WDR76: variants seen among roughly 807,000 people sequenced by gnomAD.
WDR76 encodes WD repeat domain 76, also known as WD repeat-containing protein 76.
In WDR76, 52 loss-of-function variants were observed where a neutral mutation model predicts 70.2. The ratio of observed to expected loss-of-function variants is 0.74; its 90% CI spans 0.59 to 0.93. The LOEUF (loss-of-function observed/expected upper bound fraction) is 0.93. Ranked by LOEUF, WDR76 falls within the 40% of genes least tolerant of loss-of-function variation. WDR76 has a pLI of 0.00. For synonymous variants in WDR76, 292 were observed against 271.1 expected, an observed-to-expected ratio of 1.08 and a Z score of -0.76; for missense variants, 756 against 760.2, an observed-to-expected ratio of 0.99 and a Z score of 0.07.
At chr15:43,839,495 A>T in intron 4 of WDR76, 110 bp from the exon 5 acceptor site, 1 of 1,134,210 alleles carries the variant, frequency 8.8e-7, no homozygotes, top group Non-Finnish European at 1.2e-6. Context: ...ATATCTATGC[A>T]GTTTATAAAT....
Position 43,842,611 on chromosome 15 carries a change from C to T in WDR76, c.835-17C>T, listed in dbSNP as rs115179274. On this transcript the variant is annotated splice_polypyrimidine_tract_variant and intron_variant, in intron 6 of 12. Coordinates refer to ENST00000263795, the MANE Select transcript of WDR76 (RefSeq NM_024908.4). ...ATACATACTAACTTAGTTCTTTCAT[C>T]TCTCCCAATGTTTCAGCCAAGTAGT... The T allele has an allele frequency of 1.7e-3, 2,794 of 1,607,174 alleles. 38 individuals carry two copies. In the African/African-American group the frequency reaches 0.033, roughly 19 times the overall value.
intron 12 of WDR76, among the ~76,000 whole-genome samples, chr15:43,862,800 AC>A (rs1256759459): frequency 6.6e-6 from 1 of 151,866 alleles, no homozygotes; most frequent in Non-Finnish European, 1.5e-5. Flanking sequence ...GAGCCACCAC[AC>A]CCAGCCTAAT....
chr15:43,833,632 T>TG (rs953465841), intron 2 of WDR76, among the ~76,000 whole-genome samples: 4 of 148,552 alleles, frequency 2.7e-5, no homozygotes, highest in East Asian at 4.0e-4. Context: ...TCTTTTTTTT[T>TG]TTTGTTTGTT....
At chr15:43,831,263 C>A (rs2087584752) in intron 2 of WDR76, among the ~76,000 whole-genome samples, 1 of 151,996 alleles carries the variant, frequency 6.6e-6, no homozygotes, top group Non-Finnish European at 1.5e-5. Context: ...TCCCAAATAG[C>A]TGGGACTACA....
chr15:43,862,027 G>A (rs779990781), intron 12 of WDR76, among the ~76,000 whole-genome samples: 11 of 151,436 alleles, frequency 7.3e-5, no homozygotes, highest in Non-Finnish European at 1.5e-4. Flanking sequence ...TAGTAGCGAC[G>A]GGGTTTCATC....
At chr15:43,849,393 A>T (rs932340569) in intron 8 of WDR76, among the ~76,000 whole-genome samples, 2 of 152,208 alleles carry the variant, frequency 1.3e-5, no homozygotes, top group Non-Finnish European at 2.9e-5. Flanking sequence ...TGACAGATTT[A>T]TGTGTACCTA....
At chr15:43,852,859 G>C (rs115580790) in intron 9 of WDR76, among the ~76,000 whole-genome samples, 1,543 of 152,194 alleles carry the variant, frequency 0.01, 20 homozygotes, top group African/African-American at 0.035. Context: ...CTGTTCATCA[G>C]TTGATGAACA....
At chr15:43,834,287 G>A (rs974174444) in intron 2 of WDR76, among the ~76,000 whole-genome samples, 2 of 149,088 alleles carry the variant, frequency 1.3e-5, no homozygotes, top group Admixed American at 6.7e-5. Context: ...TTTTTTGTTG[G>A]AAAAAAATAA....
chr15:43,857,078 A>G lies in WDR76; in HGVS notation c.1324A>G (p.Lys442Glu), dbSNP rs2087937491. 6.2e-7 allele frequency: 1 copy of G among 1,614,108 alleles called. No homozygotes were observed. Among genetic ancestry groups the G allele is most frequent in the Non-Finnish European group, 8.5e-7 (1 of 1,180,002 alleles). ...ACGGACACCTGGAACTTCTTATGAG[A>G]AACTTACCAGTTCTTCTATGGGAAA... ...DRRTPGTSYEKLTSSSMGKIR... is the reference protein window; with the variant it reads ...DRRTPGTSYEELTSSSMGKIR... The change falls in exon 10 of 13, where the codon AAA (lysine) becomes GAA (glutamate). Residue 442 changes from lysine (K) to glutamate (E), a missense_variant. Physicochemically the swap from Lys to Glu is moderately conservative, Grantham distance 56. Transcript: ENST00000263795.
chr15:43,830,272 T>A (rs1356822499), intron 2 of WDR76, among the ~76,000 whole-genome samples: 1 of 151,934 alleles, frequency 6.6e-6, no homozygotes, highest in East Asian at 2.0e-4. Context: ...GACTGTAAGA[T>A]TCTGAAGAAG....
Position 43,836,163 on chromosome 15 carries a change from T to A in WDR76, c.555T>A (p.Ser185=), listed in dbSNP as rs1290468949. 1 of 1,606,142 alleles carries A rather than the reference T, an allele frequency of 6.2e-7. No individual in the cohort carries two copies. The highest frequency in any genetic ancestry group is 1.1e-5 in the South Asian group (1 of 88,724). ...DFFASLQLSE[S]AARLREMIEK... ...TACATGATTTTTATACTTTACAGTC[T>A]GCTGCAAGACTCCGTGAAATGATAG... The change falls in exon 4 of 13, where the codon TCT becomes TCA. Residue 185 remains serine, a splice_region_variant and synonymous_variant. Transcript: ENST00000263795.
intron 10 of WDR76, among the ~76,000 whole-genome samples, chr15:43,858,253 T>G (rs965642660): frequency 4.0e-5 from 6 of 151,250 alleles, no homozygotes; most frequent in Non-Finnish European, 5.9e-5. Flanking sequence ...GTTTTTTTTT[T>G]TTGTTTGTTT....
intron 8 of WDR76, among the ~76,000 whole-genome samples, chr15:43,845,957 T>C (rs1232943035): frequency 1.3e-5 from 2 of 150,166 alleles, no homozygotes; most frequent in Non-Finnish European, 3.0e-5. Context: ...TTTGGGATCA[T>C]AGATTCTCCC....
chr15:43,830,017 T>C (rs1310887319), intron 2 of WDR76, among the ~76,000 whole-genome samples: 1 of 151,434 alleles, frequency 6.6e-6, no homozygotes, highest in African/African-American at 2.4e-5. Flanking sequence ...TCTTTTCTTT[T>C]TTTTTTTTTA....
chr15:43,840,047 C>G (rs371410551), intron 5 of WDR76, among the ~76,000 whole-genome samples: 1 of 151,848 alleles, frequency 6.6e-6, no homozygotes, highest in African/African-American at 2.4e-5. Flanking sequence ...TTGGTAGAGA[C>G]GGGGTTTCAC....
rs2088090822 is a variant in WDR76, at chr15:43,867,640, G to T, written c.*1248G>T. On this transcript the variant is annotated 3_prime_UTR_variant, in exon 13 of 13. Transcript: ENST00000263795. The stretch of plus-strand genomic sequence containing the variant: ...AAAGCTACTGCTTAGAATGAAGAAG[G>T]CCCCAGGCTTACCTGTCCCGATCTT... The T allele has an allele frequency of 6.6e-6, 1 of 151,650 alleles. No homozygotes were observed. Among genetic ancestry groups the T allele is most frequent in the Admixed American group, 6.6e-5 (1 of 15,208 alleles). The allele number at this position is 151,650 out of a possible 1,614,324, so 9.4% of individuals were successfully genotyped here.
At position 43,839,720 on chromosome 15, in the gene WDR76, G is replaced by C; in HGVS notation, c.724G>C (p.Asp242His). The C allele has an allele frequency of 6.2e-7, 1 of 1,604,984 alleles. No individual in the cohort carries two copies. Among genetic ancestry groups the C allele is most frequent in the Non-Finnish European group, 8.5e-7 (1 of 1,175,834 alleles). ...TCCAACACCGCCGACATTAGTAGCA[G>C]ATGAAACTGTAAGGAAATGTGCAAA... is the stretch of plus-strand genomic sequence containing the variant. ...AAPTPPTLVA[D>H]ETPLLPPGPL... Residue 242 changes from aspartate (D) to histidine (H), a missense_variant, in exon 5 of 13, where the codon GAT becomes CAT. Asp to His is a moderately conservative substitution (Grantham distance 81). Transcript: ENST00000263795.
intron 2 of WDR76, among the ~76,000 whole-genome samples, chr15:43,833,654 A>T: frequency 1.5e-5 from 2 of 132,598 alleles, no homozygotes; most frequent in African/African-American, 5.7e-5. Flanking sequence ...GTTTTTTGAG[A>T]CGGAGTCTTG....
At chr15:43,844,362 A>G (rs1197646094) in intron 8 of WDR76, among the ~76,000 whole-genome samples, 1 of 152,180 alleles carries the variant, frequency 6.6e-6, no homozygotes, top group Non-Finnish European at 1.5e-5. Context: ...TCACGCCTGT[A>G]ATGCCAGCAC....
Sources: gnomAD v4.1 joint callset for allele counts (sites outside exome capture counted in the v4.1 genomes callset) on GRCh38, gnomAD v4.1.1 for gene constraint, MANE v1.5 for transcripts, NCBI Gene and HGNC (gene_info 2026-07-23, HGNC 2026-07-21) for gene names.